Variants in METTL15 observed in about 807,000 individuals in gnomAD.
The protein encoded by METTL15 is 12S rRNA N(4)-cytidine methyltransferase METTL15.
A neutral mutation model predicts 38.3 loss-of-function variants in METTL15; 34 were observed. The ratio of observed to expected loss-of-function variants is 0.89; its 90% CI spans 0.68 to 1.18. METTL15 has a LOEUF of 1.18. METTL15 is among the 50% of genes most tolerant of loss of function. METTL15 has a pLI of 0.00. For synonymous variants in METTL15, 162 were observed against 170.9 expected (o/e 0.95, Z 0.41); for missense variants, 438 against 498.4 (o/e 0.88, Z 1.15).
At chr11:28,396,952 C>T (rs1239020804) in intron 5 of METTL15, among the ~76,000 whole-genome samples, 2 of 142,058 alleles carry the variant, frequency 1.4e-5, no homozygotes, top group Admixed American at 7.0e-5. Context: ...GTACAACCAT[C>T]TGATCTTTGA....
intron 6 of METTL15, among the ~76,000 whole-genome samples, chr11:28,436,599 T>C (rs1850984338): frequency 6.6e-6 from 1 of 151,908 alleles, no homozygotes; most frequent in African/African-American, 2.4e-5. Flanking sequence ...TGGAATACTG[T>C]TTTTAAATGT....
Position 28,145,537 on chromosome 11 carries a change from T to C in METTL15, c.270+31933T>C, listed in dbSNP as rs189234688. ...GGATGTTAGAACTGGCTTTGGCCTG[T>C]GGAACACCTCGTCTTGTGCATTCTA... On this transcript the variant is annotated intron_variant, in intron 3 of 6. Coordinates refer to ENST00000407364, the MANE Select transcript of METTL15 (RefSeq NM_001113528.2). 1.3e-4 allele frequency: 20 copies of C among 152,190 alleles called. 1 individual carries two copies. In the East Asian group the frequency reaches 3.9e-3, roughly 29 times the overall value. The allele number at this position is 152,190 out of a possible 1,614,324, so 9.4% of individuals were successfully genotyped here.
chr11:28,466,674 A>G (rs996369480), intron 6 of METTL15, among the ~76,000 whole-genome samples: 6 of 152,180 alleles, frequency 3.9e-5, no homozygotes, highest in Admixed American at 1.3e-4. Flanking sequence ...CTGATTGTCT[A>G]CATATTTACA....
At chr11:28,311,762 A>ATATGTTTATTTTTAACCTTTGTTGATG (rs2134027813) in intron 6 of METTL15, among the ~76,000 whole-genome samples, 1 of 152,354 alleles carries the variant, frequency 6.6e-6, no homozygotes, top group East Asian at 1.9e-4. Flanking sequence ...ATGTCTAGAG[A>ATATGTTTATTTTTAACCTTTGTTGATG]TATGTTTATT....
chr11:28,340,149 GTTGGAATCATTTTTAAATCA>G (rs1424574776), intron 3 of METTL15, among the ~76,000 whole-genome samples: 1 of 151,952 alleles, frequency 6.6e-6, no homozygotes, highest in Non-Finnish European at 1.5e-5. Flanking sequence ...CTGTCAAAAT[GTTGGAATCATTTTTAAATCA>G]TTTTAAAAAT....
At chr11:28,138,942 C>G (rs959121887) in intron 3 of METTL15, among the ~76,000 whole-genome samples, 1 of 152,182 alleles carries the variant, frequency 6.6e-6, no homozygotes, top group Non-Finnish European at 1.5e-5. Context: ...TGGCTACAGC[C>G]TAAGACTAGC....
intron 6 of METTL15, among the ~76,000 whole-genome samples, chr11:28,502,188 G>A (rs568840014): frequency 4.3e-4 from 65 of 152,128 alleles, no homozygotes; most frequent in Non-Finnish European, 7.8e-4. Context: ...TTGGAGAGGA[G>A]TTAAATGAGG....
Position 28,494,634 on chromosome 11 carries a change from T to C in METTL15, c.*425-31844T>C, listed in dbSNP as rs531669778. Reference sequence around the variant, plus strand: ...TCAGTTGTAGCTCCCATAATCCCCATGGTTCATGGGAGGGACTCAGTGGGA... The same window carrying C: ...TCAGTTGTAGCTCCCATAATCCCCACGGTTCATGGGAGGGACTCAGTGGGA... On this transcript the variant is annotated intron_variant and NMD_transcript_variant, in intron 6 of 7. Transcript: ENST00000532947. Among the ~76,000 whole-genome samples, 9 of 152,230 alleles carry C rather than the reference T, an allele frequency of 5.9e-5. No homozygotes were observed. In the South Asian group the frequency reaches 1.9e-3, roughly 32 times the overall value.
chr11:28,489,760 A>G (rs1851478496), intron 6 of METTL15, among the ~76,000 whole-genome samples: 1 of 152,128 alleles, frequency 6.6e-6, no homozygotes, highest in South Asian at 2.1e-4. Context: ...TTCGTCAGCT[A>G]TATTGTGAGA....
At chr11:28,389,530 T>C (rs1261660921) in intron 5 of METTL15, among the ~76,000 whole-genome samples, 1 of 151,480 alleles carries the variant, frequency 6.6e-6, no homozygotes, top group African/African-American at 2.4e-5. Flanking sequence ...TGATTTCCAA[T>C]TTCATCCATG....
At chr11:28,481,795 C>T (rs1851397397) in intron 6 of METTL15, among the ~76,000 whole-genome samples, 1 of 152,172 alleles carries the variant, frequency 6.6e-6, no homozygotes, top group Non-Finnish European at 1.5e-5. Context: ...ATCTTAAGTG[C>T]AGCCCGCTGG....
At chr11:28,157,151 A>G (rs1850291474) in intron 3 of METTL15, among the ~76,000 whole-genome samples, 1 of 152,202 alleles carries the variant, frequency 6.6e-6, no homozygotes, top group Admixed American at 6.5e-5. Context: ...AGTGAAGGAT[A>G]AGTTGCTGCA....
intron 6 of METTL15, among the ~76,000 whole-genome samples, chr11:28,320,540 A>G (rs1849429829): frequency 6.6e-6 from 1 of 151,980 alleles, no homozygotes; most frequent in Admixed American, 6.6e-5. Flanking sequence ...AGCTTGGGTG[A>G]TAGTGAGACC....
chr11:28,259,205 G>C (rs1855095812), intron 4 of METTL15, among the ~76,000 whole-genome samples: 2 of 152,086 alleles, frequency 1.3e-5, no homozygotes, highest in Non-Finnish European at 2.9e-5. Context: ...GTGGCCTTAT[G>C]ATTGACCAGT....
At chr11:28,430,188 C>G (rs1185232818) in intron 6 of METTL15, among the ~76,000 whole-genome samples, 1 of 151,638 alleles carries the variant, frequency 6.6e-6, no homozygotes, top group African/African-American at 2.4e-5. Flanking sequence ...AAGTGAGGAG[C>G]GTCTCCACCC....
intron 2 of METTL15, among the ~76,000 whole-genome samples, chr11:28,112,949 C>G (rs1005152156): frequency 1.3e-5 from 2 of 152,042 alleles, no homozygotes; most frequent in African/African-American, 4.8e-5. Context: ...TTCAAATAAA[C>G]AGTTTTAATT....
chr11:28,403,316 A>G (rs1299778391), intron 5 of METTL15, among the ~76,000 whole-genome samples: 1 of 152,028 alleles, frequency 6.6e-6, no homozygotes. Flanking sequence ...TCTGTGCTCC[A>G]GGATAAGTTA....
At chr11:28,217,121 C>T (rs1852921675) in intron 4 of METTL15, among the ~76,000 whole-genome samples, 1 of 152,042 alleles carries the variant, frequency 6.6e-6, no homozygotes, top group African/African-American at 2.4e-5. Context: ...ATTCTAGATC[C>T]CTGAGGAATC....
chr11:28,341,794 C>T (rs185846126), intron 3 of METTL15, among the ~76,000 whole-genome samples: 104 of 152,202 alleles, frequency 6.8e-4, no homozygotes, highest in African/African-American at 2.3e-3. Flanking sequence ...GTGTACTCTC[C>T]ACTTCTGGAG....
Sources: gnomAD v4.1 joint callset for allele counts (sites outside exome capture counted in the v4.1 genomes callset) on GRCh38, gnomAD v4.1.1 for gene constraint, MANE v1.5 for transcripts, NCBI Gene and HGNC (gene_info 2026-07-23, HGNC 2026-07-21) for gene names.